Variants in FMN2 observed in about 807,000 individuals in gnomAD.
The protein encoded by FMN2 is formin 2.
FMN2 carries 51 observed loss-of-function variants against 142.3 expected under a neutral mutation model. The observed-to-expected ratio is 0.36, with a 90% CI of 0.29 to 0.45. The LOEUF (loss-of-function observed/expected upper bound fraction) is 0.45. Ranked by LOEUF, FMN2 falls within the 20% of genes least tolerant of loss-of-function variation. The pLI, the probability that FMN2 is intolerant of heterozygous loss-of-function variation, is 1.00. For missense variants in FMN2, 1,936 were observed against 2,122.8 expected (o/e 0.91, Z 1.73); for synonymous variants, 882 against 869.8 (o/e 1.01, Z -0.25).
At chr1:240,471,446 G>A (rs75503792) in intron 16 of FMN2, among the ~76,000 whole-genome samples, 5,900 of 151,668 alleles carry the variant, frequency 0.039, 396 homozygotes, top group African/African-American at 0.14. Flanking sequence ...TGCCATCTCG[G>A]CTCACTGCAA....
At chr1:240,461,925 G>C (rs541022603) in intron 16 of FMN2, among the ~76,000 whole-genome samples, 4 of 152,178 alleles carry the variant, frequency 2.6e-5, no homozygotes, top group Admixed American at 2.6e-4. Flanking sequence ...ATCAACCCAG[G>C]CCTTTTTCTG....
chr1:240,436,790 G>A (rs914952247), intron 15 of FMN2, among the ~76,000 whole-genome samples: 17 of 152,124 alleles, frequency 1.1e-4, no homozygotes, highest in African/African-American at 4.1e-4. Flanking sequence ...GTATATGTTA[G>A]GGTATGTATG....
chr1:240,346,763 T>TCATCTCGGC (rs11282508), intron 13 of FMN2, among the ~76,000 whole-genome samples: 39 of 151,978 alleles, frequency 2.6e-4, no homozygotes, highest in Admixed American at 2.6e-3. Context: ...TGATATTTAG[T>TCATCTCGGC]CCCACAAATT....
intron 13 of FMN2, among the ~76,000 whole-genome samples, chr1:240,340,347 G>A (rs970025139): frequency 2.6e-5 from 4 of 152,098 alleles, no homozygotes; most frequent in Non-Finnish European, 1.5e-5. Flanking sequence ...TTGGGAGGCC[G>A]AGGCAGGTGG....
intron 7 of FMN2, among the ~76,000 whole-genome samples, chr1:240,281,894 T>C (rs1468943527): frequency 1.3e-5 from 2 of 152,220 alleles, no homozygotes. Context: ...TTCATGAAAT[T>C]GGGAATTAGC....
At chr1:240,366,210 C>T (rs143973886) in intron 14 of FMN2, among the ~76,000 whole-genome samples, 273 of 152,258 alleles carry the variant, frequency 1.8e-3, no homozygotes, top group African/African-American at 6.2e-3. Context: ...TGATCAATAC[C>T]GGTCAGTCAG....
intron 6 of FMN2, among the ~76,000 whole-genome samples, chr1:240,224,765 C>A (rs752167049): frequency 3.3e-5 from 5 of 152,084 alleles, no homozygotes; most frequent in Non-Finnish European, 7.4e-5. Flanking sequence ...TTTGCTGCAG[C>A]CAAGGAGATG....
chr1:240,296,414 T>C (rs937969650), intron 8 of FMN2, among the ~76,000 whole-genome samples: 11 of 151,036 alleles, frequency 7.3e-5, no homozygotes, highest in Admixed American at 3.3e-4. Flanking sequence ...TGTGGTCCTA[T>C]TTTGGGTCTA....
chr1:240,282,576 C>T (rs368287483), intron 7 of FMN2, among the ~76,000 whole-genome samples: 9 of 152,270 alleles, frequency 5.9e-5, no homozygotes, highest in East Asian at 1.9e-4. Context: ...ATATTACTCA[C>T]GAGCGTGTGT....
intron 14 of FMN2, among the ~76,000 whole-genome samples, chr1:240,358,023 A>T (rs2103049853): frequency 6.6e-6 from 1 of 152,320 alleles, no homozygotes; most frequent in East Asian, 1.9e-4. Context: ...CTGTATTCTT[A>T]GAAGTAGGAA....
chr1:240,208,344 C>T lies in FMN2; in HGVS notation c.3532C>T (p.Pro1178Ser). 2 of 1,485,842 alleles carry T rather than the reference C, an allele frequency of 1.3e-6. No homozygotes were observed. The highest frequency in any genetic ancestry group is 9.1e-7 in the Non-Finnish European group (1 of 1,093,822). 92.0% of individuals were successfully genotyped at this position (1,485,842 alleles called of 1,614,324 possible). A position where few individuals can be genotyped will look rare whatever the true frequency, so the allele number is the denominator to read the frequency against. ...LPGAGIPPPP[P>S]LPGVGIPPPP... ...CGGAGCGGGCATACCCCCTCCGCCCCCTCTACCTGGAGTGGGAATACCTCC... is the reference window on the plus strand; with the variant it reads ...CGGAGCGGGCATACCCCCTCCGCCCTCTCTACCTGGAGTGGGAATACCTCC... The change falls in exon 5 of 18, where the codon CCT becomes TCT. Residue 1178 changes from proline (P) to serine (S), a missense_variant. Transcript: ENST00000319653.
intron 1 of FMN2, among the ~76,000 whole-genome samples, chr1:240,100,967 G>C (rs1218756722): frequency 2.0e-5 from 3 of 152,170 alleles, no homozygotes; most frequent in Non-Finnish European, 4.4e-5. Flanking sequence ...GTAGTACCTG[G>C]TGATAGAGTG....
chr1:240,189,555 TC>T (rs1261345103), intron 4 of FMN2, among the ~76,000 whole-genome samples: 1 of 152,208 alleles, frequency 6.6e-6, no homozygotes, highest in Non-Finnish European at 1.5e-5. Context: ...AAAGTTGTGC[TC>T]CCCCTGGAGG....
chr1:240,186,082 C>G (rs1665435512), intron 3 of FMN2, among the ~76,000 whole-genome samples: 1 of 152,142 alleles, frequency 6.6e-6, no homozygotes, highest in Admixed American at 6.5e-5. Flanking sequence ...TTTATTGCCA[C>G]TGTGACACTT....
chr1:240,275,907 TC>T (rs1669191685), intron 7 of FMN2, among the ~76,000 whole-genome samples: 1 of 152,224 alleles, frequency 6.6e-6, no homozygotes, highest in African/African-American at 2.4e-5. Flanking sequence ...AAGTGTCTGT[TC>T]ATATCCTTTG....
chr1:240,092,077 C>G lies in FMN2; in HGVS notation c.-33C>G, dbSNP rs371374779. ...GGAGGGCCGGGATGGCCTGAGTGCC[C>G]GCGGCGCGGCGGCGCAGCAGCGGGA... On this transcript the variant is annotated 5_prime_UTR_variant, in exon 1 of 18. Transcript: ENST00000319653. 9.8e-6 allele frequency: 15 copies of G among 1,528,402 alleles called. No individual in the cohort carries two copies. Among genetic ancestry groups the G allele is most frequent in the East Asian group, 9.8e-5 (4 of 40,764 alleles). The allele number at this position is 1,528,402 out of a possible 1,614,324, so 94.7% of individuals were successfully genotyped here.
At chr1:240,418,482 ACCACGCCCAG>A (rs1174918515) in intron 15 of FMN2, among the ~76,000 whole-genome samples, 2 of 152,180 alleles carry the variant, frequency 1.3e-5, no homozygotes, top group Admixed American at 6.5e-5. Context: ...GGCGTGAGCC[ACCACGCCCAG>A]CCTATTGTTG....
intron 1 of FMN2, among the ~76,000 whole-genome samples, chr1:240,105,497 T>C (rs2103184347): frequency 6.6e-6 from 1 of 152,352 alleles, no homozygotes; most frequent in African/African-American, 2.4e-5. Flanking sequence ...AGTCAATTCA[T>C]AGATTAAATT....
At chr1:240,363,264 T>TG (rs1242840232) in intron 14 of FMN2, among the ~76,000 whole-genome samples, 17 of 152,230 alleles carry the variant, frequency 1.1e-4, no homozygotes, top group Admixed American at 1.1e-3. Context: ...GTATGTTTGA[T>TG]TTTTTGGTGT....
Sources: gnomAD v4.1 joint callset for allele counts (sites outside exome capture counted in the v4.1 genomes callset) on GRCh38, gnomAD v4.1.1 for gene constraint, MANE v1.5 for transcripts, NCBI Gene and HGNC (gene_info 2026-07-23, HGNC 2026-07-21) for gene names.